Variants in CAB39L observed in about 807,000 individuals in gnomAD.
The protein encoded by CAB39L is calcium-binding protein 39-like.
In CAB39L, 23 loss-of-function variants were observed where a neutral mutation model predicts 39.1. The ratio of observed to expected loss-of-function variants is 0.59; its 90% CI spans 0.42 to 0.83. The LOEUF (loss-of-function observed/expected upper bound fraction) is 0.83, where lower values mean the gene tolerates loss of function less well. Ranked by LOEUF, CAB39L falls within the 40% of genes least tolerant of loss-of-function variation. The probability of loss-of-function intolerance (pLI) is 0.00; values close to 1 mark genes in which losing one functional copy is unlikely to be tolerated. For missense variants in CAB39L, 366 were observed against 391.9 expected (o/e 0.93, Z 0.56); for synonymous variants, 126 against 137.2 (o/e 0.92, Z 0.57).
At position 49,310,802 on chromosome 13, in the gene CAB39L, C is replaced by G. The variant is rs900834815; in HGVS notation, c.*12G>C. On this transcript the variant is annotated 3_prime_UTR_variant, in exon 11 of 11. Coordinates refer to ENST00000409308, the MANE Select transcript of CAB39L (RefSeq NM_001079670.3). ...ATGAGACGACTGACTGTGACAGGGG[C>G]CGGGGAGCTCTTCAAGGGGCCGTTT... 14 of 1,612,332 alleles carry G rather than the reference C, an allele frequency of 8.7e-6. No individual in the cohort carries two copies. Among genetic ancestry groups the G allele is most frequent in the African/African-American group, 1.3e-5 (1 of 74,816 alleles).
At chr13:49,341,453 A>G (rs988871927) in intron 8 of CAB39L, among the ~76,000 whole-genome samples, 1 of 152,040 alleles carries the variant, frequency 6.6e-6, no homozygotes. Context: ...AGGTTTCACC[A>G]TTTTGGCCAG....
chr13:49,442,787 C>CAAAAAAAAAAAAAAAAAAAA (rs71078844), intron 1 of CAB39L, among the ~76,000 whole-genome samples: 4 of 103,690 alleles, frequency 3.9e-5, no homozygotes, highest in African/African-American at 1.5e-4. Flanking sequence ...GACTCCATCT[C>CAAAAAAAAAAAAAAAAAAAA]AAAAAAAAAA....
chr13:49,356,184 A>G (rs1167729032), intron 6 of CAB39L, among the ~76,000 whole-genome samples: 1 of 152,196 alleles, frequency 6.6e-6, no homozygotes, highest in Non-Finnish European at 1.5e-5. Context: ...AGCATTACTA[A>G]AAGTACATCT....
chr13:49,421,751 C>T (rs1389631232), intron 3 of CAB39L, among the ~76,000 whole-genome samples: 1 of 152,008 alleles, frequency 6.6e-6, no homozygotes, highest in Non-Finnish European at 1.5e-5. Context: ...CCAGCAGTAA[C>T]AAGCAAACCC....
chr13:49,431,580 T>G, intron 3 of CAB39L, among the ~76,000 whole-genome samples: 1 of 151,780 alleles, frequency 6.6e-6, no homozygotes, highest in Admixed American at 6.6e-5. Context: ...GGTGGCACAC[T>G]CCTGTAATCC....
chr13:49,399,672 C>T (rs959181115), intron 3 of CAB39L, among the ~76,000 whole-genome samples: 2 of 151,956 alleles, frequency 1.3e-5, no homozygotes, highest in African/African-American at 4.8e-5. Flanking sequence ...ATGCATTATT[C>T]TTTATTTCTA....
intron 6 of CAB39L, among the ~76,000 whole-genome samples, chr13:49,352,664 G>A (rs1293788983): frequency 7.9e-5 from 12 of 152,038 alleles, no homozygotes; most frequent in Admixed American, 6.5e-4. Flanking sequence ...GGTGGCACAC[G>A]CCTGTAGTCC....
At chr13:49,353,139 ACATT>A (rs1489299952) in intron 6 of CAB39L, among the ~76,000 whole-genome samples, 3 of 152,256 alleles carry the variant, frequency 2.0e-5, no homozygotes, top group Non-Finnish European at 4.4e-5. Flanking sequence ...AAATGCTGAT[ACATT>A]CAGATAGTCA....
At chr13:49,336,797 C>A (rs556253520) in intron 9 of CAB39L, among the ~76,000 whole-genome samples, 2 of 152,306 alleles carry the variant, frequency 1.3e-5, no homozygotes, top group South Asian at 4.1e-4. Flanking sequence ...ATAACGAGTT[C>A]TGTTCTTTAC....
chr13:49,342,748 T>C (rs2138433202), intron 8 of CAB39L, among the ~76,000 whole-genome samples: 1 of 152,298 alleles, frequency 6.6e-6, no homozygotes, highest in African/African-American at 2.4e-5. Context: ...TACTGAGCAC[T>C]TGAAATGTGG....
chr13:49,335,965 CTT>C lies in CAB39L; in HGVS notation c.690+3710_690+3711del, dbSNP rs1333502948. On this transcript the variant is annotated intron_variant, in intron 9 of 10. Coordinates refer to ENST00000409308, the MANE Select transcript of CAB39L (RefSeq NM_001079670.3). ...GTTGCTATATAATAATCTAACCTCTCTTGTTTCCTGCAATTATGAAACATCTA... is the reference window on the plus strand; with the variant it reads ...GTTGCTATATAATAATCTAACCTCTCGTTTCCTGCAATTATGAAACATCTA... Among the ~76,000 whole-genome samples, 6 of 152,214 alleles carry C rather than the reference CTT, an allele frequency of 3.9e-5. No homozygotes were observed. The South Asian group carries it at 8.3e-4, about 21-fold the overall frequency.
intron 3 of CAB39L, among the ~76,000 whole-genome samples, chr13:49,405,762 GGAGGGACA>G (rs1956863200): frequency 6.8e-6 from 1 of 147,510 alleles, no homozygotes; most frequent in Non-Finnish European, 1.5e-5. Context: ...AGGGAGGGAC[GGAGGGACA>G]GAGGGAGGGA....
At chr13:49,412,664 C>G (rs1226398623) in intron 3 of CAB39L, among the ~76,000 whole-genome samples, 1 of 152,102 alleles carries the variant, frequency 6.6e-6, no homozygotes, top group Non-Finnish European at 1.5e-5. Context: ...CTTTTTCGCA[C>G]CAGAGGATGG....
intron 3 of CAB39L, among the ~76,000 whole-genome samples, chr13:49,400,475 CACAT>C (rs750608455): frequency 0.022 from 3,103 of 144,288 alleles, 49 homozygotes; most frequent in African/African-American, 0.03. Context: ...CACACACACA[CACAT>C]GGTTATATTA....
At chr13:49,361,477 C>CAAAAAAAAAA (rs33984866) in intron 5 of CAB39L, among the ~76,000 whole-genome samples, 33 of 54,438 alleles carry the variant, frequency 6.1e-4, no homozygotes, top group Admixed American at 8.9e-4. Flanking sequence ...GACTTCATCT[C>CAAAAAAAAAA]AAAAAAAAAA....
chr13:49,335,366 T>C (rs1954819761), intron 9 of CAB39L, among the ~76,000 whole-genome samples: 1 of 152,174 alleles, frequency 6.6e-6, no homozygotes. Context: ...ATAAATTCTA[T>C]CCAATCTATC....
intron 3 of CAB39L, among the ~76,000 whole-genome samples, chr13:49,415,464 T>C (rs1266149345): frequency 1.3e-5 from 2 of 151,676 alleles, no homozygotes; most frequent in Admixed American, 6.6e-5. Context: ...GAGGCTGCAG[T>C]GAGCCAAGAT....
chr13:49,340,014 A>G (rs1167766885), intron 8 of CAB39L, among the ~76,000 whole-genome samples: 1 of 152,242 alleles, frequency 6.6e-6, no homozygotes, highest in Non-Finnish European at 1.5e-5. Context: ...AAAAGTTGCA[A>G]GAGAACTCAT....
chr13:49,368,162 CA>C (rs1308610559), intron 5 of CAB39L, among the ~76,000 whole-genome samples: 30 of 152,292 alleles, frequency 2.0e-4, no homozygotes, highest in African/African-American at 7.2e-4. Flanking sequence ...TGAAATGTCA[CA>C]AGAACATTCC....
Sources: gnomAD v4.1 joint callset for allele counts (sites outside exome capture counted in the v4.1 genomes callset) on GRCh38, gnomAD v4.1.1 for gene constraint, MANE v1.5 for transcripts, NCBI Gene and HGNC (gene_info 2026-07-23, HGNC 2026-07-21) for gene names.